Variants in SLC38A10 observed in about 807,000 individuals in gnomAD.
SLC38A10 encodes Sodium-coupled neutral amino acid transporter 10.
SLC38A10 carries 53 observed loss-of-function variants against 81.0 expected under a neutral mutation model. The ratio of observed to expected loss-of-function variants is 0.65; its 90% CI spans 0.53 to 0.82. The LOEUF is 0.82. Among genes scored for constraint, SLC38A10 ranks in the 40% least tolerant of loss-of-function variants. SLC38A10 has a pLI of 0.00. For missense variants in SLC38A10, 1,471 were observed against 1,545.0 expected (o/e 0.95, Z 0.80); for synonymous variants, 665 against 655.3 (o/e 1.01, Z -0.23).
At position 81,251,579 on chromosome 17, in the gene SLC38A10, G is replaced by A. The variant is rs1936673407; in HGVS notation, c.1979C>T (p.Ala660Val). 6.7e-7 allele frequency: 1 copy of A among 1,495,734 alleles called. No individual in the cohort carries two copies. The highest frequency in any genetic ancestry group is 8.9e-7 in the Non-Finnish European group (1 of 1,129,156). The allele number at this position is 1,495,734 out of a possible 1,614,324, so 92.7% of individuals were successfully genotyped here. ...CTCGGGCGGCAGCCCAGGCCCTGGAGCCGGCTTCTCCGCTGGGAGGGGAGG... is the reference window on the plus strand; with the variant it reads ...CTCGGGCGGCAGCCCAGGCCCTGGAACCGGCTTCTCCGCTGGGAGGGGAGG... ...GKPPLPAEKP[A>V]PGPGLPPEPR... The change falls in exon 14 of 16, where the codon GCT becomes GTT. Residue 660 changes from alanine to valine, a missense_variant. Physicochemically the swap from Ala to Val is moderately conservative, Grantham distance 64 (BLOSUM62 0). Transcript: ENST00000374759.
chr17:81,267,617 G>A (rs911745504), intron 10 of SLC38A10, among the ~76,000 whole-genome samples: 2 of 152,092 alleles, frequency 1.3e-5, no homozygotes, highest in Non-Finnish European at 2.9e-5. Context: ...AGAGGCTGAG[G>A]CTCTCATGCT....
Position 81,261,945 on chromosome 17 carries a change from G to A in SLC38A10, c.1132-1551C>T, listed in dbSNP as rs560871113. On this transcript the variant is annotated intron_variant, in intron 10 of 15. Coordinates refer to ENST00000374759, the MANE Select transcript of SLC38A10 (RefSeq NM_001037984.3). ...GGCCCACAGAGCTCTGCCCCGCCCT[G>A]GCCCCGAATGTTCTCCTCCATTTGT... Among the ~76,000 whole-genome samples the A allele has an allele frequency of 2.6e-5, 4 of 152,348 alleles. No individual in the cohort carries two copies. The South Asian group carries it at 6.2e-4, about 24-fold the overall frequency.
At chr17:81,250,366 G>C (rs2062899111) in intron 14 of SLC38A10, among the ~76,000 whole-genome samples, 2 of 152,244 alleles carry the variant, frequency 1.3e-5, no homozygotes, top group Admixed American at 1.3e-4. Context: ...ACCTGGAGAA[G>C]CCAGGCCGCA....
chr17:81,272,552 A>C lies in SLC38A10; in HGVS notation c.988T>G (p.Phe330Val). 1.3e-6 allele frequency: 2 copies of C among 1,597,586 alleles called. No homozygotes were observed. Among genetic ancestry groups the C allele is most frequent in the East Asian group, 2.3e-5 (1 of 43,806 alleles). Residue 330 changes from phenylalanine (F) to valine (V), a missense_variant, in exon 9 of 16, where the codon TTT becomes GTT. Coordinates refer to ENST00000374759, the MANE Select transcript of SLC38A10 (RefSeq NM_001037984.3). The stretch of plus-strand genomic sequence containing the variant: ...AGGATGCCACCAACCATGGTTCCAA[A>C]CACCACAGAGAGGGTAAGTGCTTTA... ...RFKALTLSVV[F>V]GTMVGGILIP...
In SLC38A10 at chr17:81,249,266, G is replaced by A. The variant is rs868692962; in HGVS notation, c.2066-2205C>T. On this transcript the variant is annotated intron_variant, in intron 14 of 15. Transcript: ENST00000374759. ...AGGAAGGTGGGGGAAGAGGAGGAGGGAGGAGGAGGAAGGAGGGAAGAGGAG... is the reference window on the plus strand; with the variant it reads ...AGGAAGGTGGGGGAAGAGGAGGAGGAAGGAGGAGGAAGGAGGGAAGAGGAG... Among the ~76,000 whole-genome samples the A allele has an allele frequency of 2.6e-3, 40 of 15,466 alleles. 9 individuals carry two copies. The highest frequency in any genetic ancestry group is 9.2e-3 in the African/African-American group (26 of 2,830). 10.1% of individuals were successfully genotyped at this position (15,466 alleles called of 152,430 possible).
At chr17:81,254,647 C>T (rs111544478) in intron 11 of SLC38A10, among the ~76,000 whole-genome samples, 7,324 of 152,230 alleles carry the variant, frequency 0.048, 310 homozygotes, top group African/African-American at 0.11. Context: ...GGTTTCACCA[C>T]GTTGGCCAGG....
intron 11 of SLC38A10, among the ~76,000 whole-genome samples, chr17:81,258,215 A>G (rs2062989890): frequency 6.6e-6 from 1 of 152,182 alleles, no homozygotes; most frequent in Non-Finnish European, 1.5e-5. Context: ...AAAGAGACCA[A>G]TAAAACTCCG....
chr17:81,292,563 A>G (rs2063319809), intron 1 of SLC38A10, among the ~76,000 whole-genome samples: 1 of 152,122 alleles, frequency 6.6e-6, no homozygotes, highest in Non-Finnish European at 1.5e-5. Context: ...GCCCCAGTCC[A>G]AGAAGGCTGC....
At chr17:81,246,715 C>G (rs778628145) in intron 15 of SLC38A10, 42 bp from the exon 16 acceptor site, 5 of 1,504,270 alleles carry the variant, frequency 3.3e-6, no homozygotes, top group Non-Finnish European at 4.4e-6. Context: ...CAGCACTGTA[C>G]ACAGGCTGCC....
chr17:81,266,639 G>GA (rs903210531), intron 10 of SLC38A10, among the ~76,000 whole-genome samples: 5 of 148,814 alleles, frequency 3.4e-5, no homozygotes, highest in Admixed American at 6.7e-5. Flanking sequence ...AAAAGAAAAA[G>GA]AAAAAAAAAG....
At chr17:81,274,617 G>A (rs1395743538) in intron 8 of SLC38A10, among the ~76,000 whole-genome samples, 2 of 152,238 alleles carry the variant, frequency 1.3e-5, no homozygotes, top group African/African-American at 2.4e-5. Flanking sequence ...GAACCTGGAC[G>A]GGGCAGGGCT....
intron 11 of SLC38A10, among the ~76,000 whole-genome samples, chr17:81,258,069 G>A (rs755578737): frequency 3.5e-4 from 53 of 152,348 alleles, no homozygotes; most frequent in Non-Finnish European, 4.9e-4. Flanking sequence ...CTGTGAAGCC[G>A]TGCATGGGGC....
intron 11 of SLC38A10, among the ~76,000 whole-genome samples, chr17:81,255,586 G>A (rs565619027): frequency 2.0e-5 from 3 of 152,306 alleles, no homozygotes; most frequent in South Asian, 2.1e-4. Flanking sequence ...CAACACACCC[G>A]GCTAAGCCAC....
At chr17:81,262,652 A>C (rs1407523705) in intron 10 of SLC38A10, among the ~76,000 whole-genome samples, 2 of 152,350 alleles carry the variant, frequency 1.3e-5, no homozygotes, top group African/African-American at 4.8e-5. Flanking sequence ...GGGAAGGGAA[A>C]GCACCTTTGC....
rs1295962288 is a variant in SLC38A10 at position 81,252,265 on chromosome 17, CT to C, written c.1874del (p.Lys625ArgfsTer80). ...TGCCTGGCGGCGGTCCCCCCTTGGC[CT>C]TTTCCCCTCCACCCACCGCCAGGCC... is the stretch of plus-strand genomic sequence containing the variant. ...QNGLAVGGGEKAKGGPPPGNA... is the reference protein window; with the variant it reads ...QNGLAVGGGEXAKGGPPPGNA... On this transcript the variant is annotated frameshift_variant, in exon 13 of 16. Coordinates refer to ENST00000374759, the MANE Select transcript of SLC38A10 (RefSeq NM_001037984.3). LOFTEE classifies it high-confidence loss of function. 8 of 1,598,662 alleles carry C rather than the reference CT, an allele frequency of 5.0e-6. No homozygotes were observed. The highest frequency in any genetic ancestry group is 4.3e-6 in the Non-Finnish European group (5 of 1,171,968).
intron 1 of SLC38A10, among the ~76,000 whole-genome samples, chr17:81,291,486 C>CAAAAAAAAAAA (rs397856930): frequency 8.9e-6 from 1 of 112,038 alleles, no homozygotes. Flanking sequence ...GACTCCATCT[C>CAAAAAAAAAAA]AAAAAAAAAA....
rs1317219702 is a variant in SLC38A10, at chr17:81,276,480, G to A, written c.730-329C>T. On this transcript the variant is annotated intron_variant, in intron 7 of 15. Coordinates refer to ENST00000374759, the MANE Select transcript of SLC38A10 (RefSeq NM_001037984.3). This position sits in a 1 kb window ranked among gnomAD's most constrained non-coding sequence, Gnocchi z 4.7. The stretch of plus-strand genomic sequence containing the variant: ...GGCCTCGGCGTACCTCTGCCTCCCC[G>A]GTCCTGGTTCAAGCAATTCTCCTGC... Among the ~76,000 whole-genome samples, 4 of 150,658 alleles carry A rather than the reference G, an allele frequency of 2.7e-5. No homozygotes were observed. The highest frequency in any genetic ancestry group is 9.8e-5 in the African/African-American group (4 of 40,750).
Position 81,251,535 on chromosome 17 carries a change from C to T in SLC38A10, c.2023G>A (p.Val675Met), listed in dbSNP as rs561261394. The T allele has an allele frequency of 5.8e-6, 9 of 1,562,276 alleles. No individual in the cohort carries two copies. The highest frequency in any genetic ancestry group is 3.9e-5 in the Admixed American group (2 of 51,122). Reference sequence around the variant, plus strand: ...GCCTGGTTTCCACCCGCTCGCTCCACGTCCCTCTGCTCGCGAGGCTCGGGC... The same window carrying T: ...GCCTGGTTTCCACCCGCTCGCTCCATGTCCCTCTGCTCGCGAGGCTCGGGC... ...LPPEPREQRDVERAGGNQAAS... is the reference protein window; with the variant it reads ...LPPEPREQRDMERAGGNQAAS... Residue 675 changes from valine to methionine, a missense_variant, in exon 14 of 16, where the codon GTG (valine) becomes ATG (methionine). By Grantham distance (21) the Val-to-Met change is conservative (BLOSUM62 1). This residue lies in a region of SLC38A10 where 751 missense variants were observed against 717.4 expected (regional missense o/e 1.05). Coordinates refer to ENST00000374759, the MANE Select transcript of SLC38A10 (RefSeq NM_001037984.3).
chr17:81,278,280 A>T (rs1346194829), intron 6 of SLC38A10, among the ~76,000 whole-genome samples: 3 of 152,192 alleles, frequency 2.0e-5, no homozygotes, highest in Admixed American at 1.3e-4. Context: ...GCACTTTGGG[A>T]GGCCGAGGCA....
Sources: allele counts gnomAD v4.1 joint callset (sites outside exome capture counted in the v4.1 genomes callset), GRCh38; gene constraint gnomAD v4.1.1; regional missense constraint gnomAD v4.1.1; non-coding constraint Gnocchi (gnomAD v3.1); transcripts MANE v1.5; gene names NCBI Gene and HGNC (gene_info 2026-07-23, HGNC 2026-07-21).